MARK4: variants seen among roughly 807,000 people sequenced by gnomAD.
The protein encoded by MARK4 is microtubule affinity regulating kinase 4.
A neutral mutation model predicts 81.5 loss-of-function variants in MARK4; 19 were observed. That is an observed-to-expected ratio of 0.23 (90% CI 0.16 to 0.34). The LOEUF (loss-of-function observed/expected upper bound fraction) is 0.34, where lower values mean the gene tolerates loss of function less well. Ranked by LOEUF, MARK4 falls within the 10% of genes least tolerant of loss-of-function variation. The pLI is 1.00. For missense variants in MARK4, 772 were observed against 1,058.8 expected, an observed-to-expected ratio of 0.73 and a Z score of 3.76; for synonymous variants, 436 against 439.0, an observed-to-expected ratio of 0.99 and a Z score of 0.08.
intron 8 of MARK4, among the ~76,000 whole-genome samples, chr19:45,276,924 C>T (rs538997454): frequency 1.3e-5 from 2 of 151,356 alleles, no homozygotes; most frequent in African/African-American, 2.4e-5. Flanking sequence ...CGTGAGCCAC[C>T]GCGCCCAGCC....
chr19:45,265,030 G>A, intron 6 of MARK4, 120 bp downstream of exon 6: 2 of 956,496 alleles, frequency 2.1e-6, no homozygotes, highest in Middle Eastern at 2.7e-4. Flanking sequence ...TCTGGGCAGG[G>A]GTGAAGGTGC....
Position 45,278,012 on chromosome 19 carries a change from G to A in MARK4, c.876G>A (p.Val292=). 6.2e-7 allele frequency: 1 copy of A among 1,613,856 alleles called. No homozygotes were observed. Among genetic ancestry groups the A allele is most frequent in the Non-Finnish European group, 8.5e-7 (1 of 1,179,952 alleles). Residue 292 remains valine, a synonymous_variant, in exon 9 of 17, where the codon GTG becomes GTA. Coordinates refer to ENST00000262891, the MANE Select transcript of MARK4 (RefSeq NM_001199867.2). Reference sequence around the variant, plus strand: ...AGAGCATCCTGCGGAGATTTTTGGTGCTGAACCCAGCTAAACGCTGTACTC... The same window carrying A: ...AGAGCATCCTGCGGAGATTTTTGGTACTGAACCCAGCTAAACGCTGTACTC... ...DCESILRRFL[V]LNPAKRCTLE...
chr19:45,282,609 C>T (rs964985169), intron 12 of MARK4, among the ~76,000 whole-genome samples: 3 of 152,062 alleles, frequency 2.0e-5, no homozygotes, highest in East Asian at 1.9e-4. Flanking sequence ...GGGAGGATCA[C>T]GAGGTCAGGA....
chr19:45,254,074 C>T (rs1377570204), intron 1 of MARK4, among the ~76,000 whole-genome samples: 1 of 152,118 alleles, frequency 6.6e-6, no homozygotes, highest in Non-Finnish European at 1.5e-5. Context: ...GGTTGCAGCC[C>T]CCTCTCCTGT....
intron 13 of MARK4, among the ~76,000 whole-genome samples, chr19:45,292,106 C>G (rs746941829): frequency 1.8e-4 from 28 of 152,114 alleles, no homozygotes; most frequent in Admixed American, 1.0e-3. Flanking sequence ...TTCCCAAGAA[C>G]AGCAAAGTAC....
chr19:45,280,602 C>T lies in MARK4; in HGVS notation c.1144C>T (p.Leu382=), dbSNP rs1437488701. ...EEGGDRGAPG[L]ALARVRAPSD... is the part of the protein sequence containing the mutation. ...GGGTGGGGACCGGGGCGCCCCAGGG[C>T]TGGCCCTGGCACGGGTGCGGGCGCC... The change falls in exon 12 of 17, where the codon CTG becomes TTG. Residue 382 remains leucine, a synonymous_variant. Coordinates refer to ENST00000262891, the MANE Select transcript of MARK4 (RefSeq NM_001199867.2). 2.5e-6 allele frequency: 4 copies of T among 1,612,814 alleles called. No homozygotes were observed. Among genetic ancestry groups the T allele is most frequent in the Non-Finnish European group, 3.4e-6 (4 of 1,179,678 alleles).
intron 7 of MARK4, among the ~76,000 whole-genome samples, chr19:45,269,081 G>C (rs1278267641): frequency 6.6e-6 from 1 of 152,092 alleles, no homozygotes; most frequent in African/African-American, 2.4e-5. Flanking sequence ...GGCAGGAAAA[G>C]AAATGTAATC....
chr19:45,264,706 G>T lies in MARK4; in HGVS notation c.378G>T (p.Glu126Asp). ...TAGTGAAGCTCTTTGAGGTGATTGA[G>T]ACTGAGAAGACGCTGTACCTGGTGA... is the stretch of plus-strand genomic sequence containing the variant. ...PNIVKLFEVI[E>D]TEKTLYLVME... Residue 126 changes from glutamate to aspartate, a missense_variant, in exon 5 of 17, where the codon GAG becomes GAT. Around this residue, in one of 3 missense-constraint regions of MARK4, gnomAD observed 109 missense variants for 294.7 expected, o/e 0.37. Transcript: ENST00000262891. 1 of 1,614,120 alleles carries T rather than the reference G, an allele frequency of 6.2e-7. No homozygotes were observed. The highest frequency in any genetic ancestry group is 1.3e-5 in the African/African-American group (1 of 75,030).
intron 2 of MARK4, among the ~76,000 whole-genome samples, chr19:45,260,375 C>T (rs1349894432): frequency 7.0e-6 from 1 of 141,948 alleles, no homozygotes; most frequent in African/African-American, 2.6e-5. Context: ...GGCAACAAGA[C>T]CGAGACTTTG....
Position 45,271,765 on chromosome 19 carries a change from TC to T in MARK4, c.786+64del, listed in dbSNP as rs1320401656. ...GCCCCTCCCCACAGTCAGGCCCCTA[TC>T]CCCCCCACACCTCCCCTGCAGAGGG... On this transcript the variant is annotated intron_variant, in intron 8 of 16. Transcript: ENST00000262891. This position sits in a 1 kb window ranked among gnomAD's most constrained non-coding sequence, Gnocchi z 4.1. The T allele has an allele frequency of 5.0e-5, 75 of 1,499,168 alleles. No homozygotes were observed. Among genetic ancestry groups the T allele is most frequent in the Non-Finnish European group, 5.9e-5 (65 of 1,093,728 alleles). 92.9% of individuals were successfully genotyped at this position (1,499,168 alleles called of 1,614,324 possible). A position where few individuals can be genotyped will look rare whatever the true frequency, so the allele number is the denominator to read the frequency against.
At chr19:45,292,314 C>T (rs1009231994) in intron 13 of MARK4, among the ~76,000 whole-genome samples, 2 of 151,820 alleles carry the variant, frequency 1.3e-5, no homozygotes, top group Non-Finnish European at 2.9e-5. Flanking sequence ...AGAAAGTGGC[C>T]GGGACTCTGA....
intron 2 of MARK4, among the ~76,000 whole-genome samples, chr19:45,260,261 G>A (rs1236870575): frequency 6.6e-6 from 1 of 150,516 alleles, no homozygotes; most frequent in East Asian, 1.9e-4. Flanking sequence ...GTGATAGCAG[G>A]CACCTGTAAT....
At chr19:45,280,094 A>G (rs935042475) in intron 10 of MARK4, 2 of 386,212 alleles carry the variant, frequency 5.2e-6, no homozygotes, top group Admixed American at 3.9e-5. Flanking sequence ...TATGCCTGTA[A>G]TCCCAGCACT....
intron 1 of MARK4, among the ~76,000 whole-genome samples, chr19:45,257,766 T>C (rs1970327959): frequency 6.6e-6 from 1 of 150,516 alleles, no homozygotes; most frequent in South Asian, 2.1e-4. Flanking sequence ...CTCGGCTCAC[T>C]GCAAGCTCCA....
chr19:45,274,110 G>A (rs1223096132), intron 8 of MARK4, among the ~76,000 whole-genome samples: 5 of 152,220 alleles, frequency 3.3e-5, no homozygotes, highest in Admixed American at 1.3e-4. Context: ...TTAGCCGGGC[G>A]TGGTGGCAGG....
At chr19:45,286,165 C>T (rs1454805952) in intron 12 of MARK4, among the ~76,000 whole-genome samples, 1 of 152,042 alleles carries the variant, frequency 6.6e-6, no homozygotes, top group African/African-American at 2.4e-5. Flanking sequence ...AAGCGATTCT[C>T]CTGCCTCAGC....
intron 8 of MARK4, among the ~76,000 whole-genome samples, chr19:45,273,335 T>G (rs1970555798): frequency 6.6e-6 from 1 of 152,214 alleles, no homozygotes; most frequent in Non-Finnish European, 1.5e-5. Flanking sequence ...GACAGTTAGT[T>G]GCAGACGCTG....
intron 13 of MARK4, among the ~76,000 whole-genome samples, chr19:45,292,028 A>C (rs74482785): frequency 0.014 from 2,088 of 152,300 alleles, 61 homozygotes; most frequent in African/African-American, 0.047. Flanking sequence ...GCAGAACCCA[A>C]CTTATATGCA....
chr19:45,263,206 C>A (rs1368654214), intron 3 of MARK4, 40 bp downstream of exon 3: 1 of 1,612,662 alleles, frequency 6.2e-7, no homozygotes, highest in Admixed American at 1.7e-5. Flanking sequence ...AGCCAGGCTT[C>A]CGGCACAGCC....
Sources: allele counts gnomAD v4.1 joint callset (sites outside exome capture counted in the v4.1 genomes callset), GRCh38; gene constraint gnomAD v4.1.1; regional missense constraint gnomAD v4.1.1; non-coding constraint Gnocchi (gnomAD v3.1); transcripts MANE v1.5; gene names NCBI Gene and HGNC (gene_info 2026-07-23, HGNC 2026-07-21).